Variants in IGSF21 observed in about 807,000 individuals in gnomAD.
The protein encoded by IGSF21 is immunoglobulin superfamily member 21.
A neutral mutation model predicts 46.8 loss-of-function variants in IGSF21; 28 were observed. That is an observed-to-expected ratio of 0.60 (90% CI 0.44 to 0.82). The LOEUF is 0.82. Ranked by LOEUF, IGSF21 falls within the 40% of genes least tolerant of loss-of-function variation. The pLI, the probability that IGSF21 is intolerant of heterozygous loss-of-function variation, is 0.00. For missense variants in IGSF21, 624 were observed against 665.5 expected (o/e 0.94, Z 0.69); for synonymous variants, 284 against 273.6 (o/e 1.04, Z -0.38).
intron 2 of IGSF21, among the ~76,000 whole-genome samples, chr1:18,275,916 G>A (rs1334483897): frequency 6.6e-6 from 1 of 152,152 alleles, no homozygotes; most frequent in Admixed American, 6.5e-5. Flanking sequence ...TTTCTCCTAA[G>A]AGGACTACAG....
intron 2 of IGSF21, among the ~76,000 whole-genome samples, chr1:18,271,506 A>G (rs2085042228): frequency 6.6e-6 from 1 of 152,186 alleles, no homozygotes; most frequent in South Asian, 2.1e-4. Context: ...AACCTGGCCT[A>G]GTTATCACCC....
chr1:18,236,850 C>G (rs772451137), intron 2 of IGSF21, among the ~76,000 whole-genome samples: 1 of 152,164 alleles, frequency 6.6e-6, no homozygotes, highest in African/African-American at 2.4e-5. Flanking sequence ...TGACCATGAA[C>G]TTGGTAACAT....
At chr1:18,191,172 C>G (rs561442972) in intron 1 of IGSF21, among the ~76,000 whole-genome samples, 4 of 152,304 alleles carry the variant, frequency 2.6e-5, no homozygotes, top group African/African-American at 7.2e-5. Context: ...CAGTGCCAGG[C>G]CCTCTGCTAG....
chr1:18,233,808 G>T (rs1169208396), intron 2 of IGSF21, among the ~76,000 whole-genome samples: 4 of 152,022 alleles, frequency 2.6e-5, no homozygotes. Context: ...GAACTCACTG[G>T]GTTTCAATTC....
chr1:18,260,110 T>C (rs1031770708), intron 2 of IGSF21, among the ~76,000 whole-genome samples: 2 of 152,218 alleles, frequency 1.3e-5, no homozygotes, highest in African/African-American at 4.8e-5. Context: ...GGAATATTCT[T>C]AACAAATGTT....
chr1:18,316,135 A>G (rs1457174010), intron 3 of IGSF21, among the ~76,000 whole-genome samples: 1 of 152,178 alleles, frequency 6.6e-6, no homozygotes, highest in South Asian at 2.1e-4. Context: ...CACGAGGCCA[A>G]CTGAGGTCCT....
intron 3 of IGSF21, among the ~76,000 whole-genome samples, chr1:18,307,709 T>C (rs1350140017): frequency 2.6e-5 from 4 of 152,220 alleles, no homozygotes; most frequent in African/African-American, 9.6e-5. Flanking sequence ...GTGGTCGGCC[T>C]CTGCCGGGAG....
intron 1 of IGSF21, among the ~76,000 whole-genome samples, chr1:18,139,942 T>TA (rs367781088): frequency 2.0e-5 from 3 of 147,426 alleles, no homozygotes; most frequent in South Asian, 2.1e-4. Context: ...TCCTTTTTTT[T>TA]AAAAAAAATA....
intron 2 of IGSF21, among the ~76,000 whole-genome samples, chr1:18,280,329 C>T (rs374916712): frequency 1.3e-5 from 2 of 152,104 alleles, no homozygotes; most frequent in Non-Finnish European, 2.9e-5. Context: ...TCTCTCCAAC[C>T]CAATGCCTCT....
intron 5 of IGSF21, among the ~76,000 whole-genome samples, chr1:18,362,522 C>T (rs1308221392): frequency 6.6e-6 from 1 of 152,222 alleles, no homozygotes; most frequent in Non-Finnish European, 1.5e-5. Flanking sequence ...ACCCAGCATG[C>T]CTGACCCCAG....
intron 3 of IGSF21, among the ~76,000 whole-genome samples, chr1:18,319,352 C>T (rs892409239): frequency 6.6e-6 from 1 of 152,258 alleles, no homozygotes; most frequent in African/African-American, 2.4e-5. Context: ...CATCCCTCTG[C>T]CAGAACTTAG....
At chr1:18,190,407 T>G (rs754281132) in intron 1 of IGSF21, among the ~76,000 whole-genome samples, 1 of 152,234 alleles carries the variant, frequency 6.6e-6, no homozygotes, top group Non-Finnish European at 1.5e-5. Flanking sequence ...CCAGAGGTAG[T>G]CTGGAGGCAA....
intron 1 of IGSF21, among the ~76,000 whole-genome samples, chr1:18,219,773 C>G (rs925405440): frequency 6.6e-6 from 1 of 152,126 alleles, no homozygotes; most frequent in Non-Finnish European, 1.5e-5. Context: ...GACTGCCTTA[C>G]AGCAGGGTTC....
At chr1:18,331,708 G>A (rs1370879788) in intron 3 of IGSF21, among the ~76,000 whole-genome samples, 2 of 152,222 alleles carry the variant, frequency 1.3e-5, no homozygotes. Flanking sequence ...AATGGATCAG[G>A]AGGGAGATTA....
intron 1 of IGSF21, among the ~76,000 whole-genome samples, chr1:18,161,488 C>T (rs1464056407): frequency 1.3e-5 from 2 of 152,078 alleles, no homozygotes; most frequent in Non-Finnish European, 2.9e-5. Context: ...GCCTTATTTA[C>T]CTTCCCCCCA....
At chr1:18,303,703 C>G (rs911547456) in intron 3 of IGSF21, among the ~76,000 whole-genome samples, 1 of 152,150 alleles carries the variant, frequency 6.6e-6, no homozygotes, top group Non-Finnish European at 1.5e-5. Context: ...CATCGGGAGA[C>G]AGAGATGAGC....
chr1:18,340,048 T>C (rs1038688873), intron 4 of IGSF21, among the ~76,000 whole-genome samples: 12 of 152,348 alleles, frequency 7.9e-5, no homozygotes, highest in African/African-American at 2.6e-4. Context: ...TATCAGAATG[T>C]CTTTTTTGTT....
At chr1:18,198,729 C>T (rs2087035357) in intron 1 of IGSF21, among the ~76,000 whole-genome samples, 1 of 152,098 alleles carries the variant, frequency 6.6e-6, no homozygotes, top group African/African-American at 2.4e-5. Context: ...ACACTGGGCC[C>T]CAGGTGGAAC....
At chr1:18,258,698 C>A (rs192625304) in intron 2 of IGSF21, among the ~76,000 whole-genome samples, 8 of 152,306 alleles carry the variant, frequency 5.3e-5, no homozygotes, top group Admixed American at 4.6e-4. Flanking sequence ...TAACCTTGGG[C>A]AGTTTGCTTC....
Sources: gnomAD v4.1 joint callset for allele counts (sites outside exome capture counted in the v4.1 genomes callset) on GRCh38, gnomAD v4.1.1 for gene constraint, MANE v1.5 for transcripts, NCBI Gene and HGNC (gene_info 2026-07-23, HGNC 2026-07-21) for gene names.